VAV3: variants seen among roughly 807,000 people sequenced by gnomAD.
The protein encoded by VAV3 is guanine nucleotide exchange factor VAV3.
A neutral mutation model predicts 131.2 loss-of-function variants in VAV3; 94 were observed. The ratio of observed to expected loss-of-function variants is 0.72; its 90% CI spans 0.61 to 0.85. VAV3 has a LOEUF of 0.85. Among genes scored for constraint, VAV3 ranks in the 40% least tolerant of loss-of-function variants. VAV3 has a pLI of 0.00. For missense variants in VAV3, 939 were observed against 1,002.7 expected (o/e 0.94, Z 0.86); for synonymous variants, 349 against 342.0 (o/e 1.02, Z -0.22).
At chr1:107,861,951 C>A (rs1293703050) in intron 2 of VAV3, among the ~76,000 whole-genome samples, 1 of 151,514 alleles carries the variant, frequency 6.6e-6, no homozygotes, top group Non-Finnish European at 1.5e-5. Flanking sequence ...ATTTAAAAAC[C>A]ATTCATTTTT....
At position 107,574,138 on chromosome 1, in the gene VAV3, A is replaced by C. The variant is rs758868025; in HGVS notation, c.2411T>G (p.Met804Arg). Reference protein sequence around the residue: ...IARYDFCARDMRELSLLKGDV... With the variant: ...IARYDFCARDRRELSLLKGDV... ...TCCTTTCAACAAGGACAACTCTCTC[A>C]TATCTCTTGCACAGAAGTCATACCG... The change falls in exon 26 of 27, where the codon ATG becomes AGG. Residue 804 changes from methionine (M) to arginine (R), a missense_variant. By Grantham distance (91) the Met-to-Arg change is moderately conservative. Transcript: ENST00000370056. 1 of 1,614,034 alleles carries C rather than the reference A, an allele frequency of 6.2e-7. No individual in the cohort carries two copies. Among genetic ancestry groups the C allele is most frequent in the Non-Finnish European group, 8.5e-7 (1 of 1,179,976 alleles).
At chr1:107,889,733 A>T (rs1571099147) in intron 1 of VAV3, among the ~76,000 whole-genome samples, 1 of 152,258 alleles carries the variant, frequency 6.6e-6, no homozygotes, top group East Asian at 1.9e-4. Flanking sequence ...AGAGTCTAGA[A>T]TGATGTAGCA....
intron 1 of VAV3, among the ~76,000 whole-genome samples, chr1:107,893,207 A>G (rs1671394996): frequency 6.6e-6 from 1 of 152,198 alleles, no homozygotes; most frequent in Non-Finnish European, 1.5e-5. Flanking sequence ...ATTTTTCAGC[A>G]AGATTATATA....
At chr1:107,604,009 T>G (rs902964944) in intron 22 of VAV3, among the ~76,000 whole-genome samples, 2 of 145,828 alleles carry the variant, frequency 1.4e-5, no homozygotes, top group East Asian at 1.9e-4. Flanking sequence ...GCCTTAAACA[T>G]ACAGAAACTC....
intron 20 of VAV3, among the ~76,000 whole-genome samples, chr1:107,629,813 T>C (rs1166961044): frequency 6.6e-6 from 1 of 152,098 alleles, no homozygotes; most frequent in African/African-American, 2.4e-5. Context: ...CAGACTAAAT[T>C]AATAGCTATT....
intron 20 of VAV3, among the ~76,000 whole-genome samples, chr1:107,619,459 T>C (rs1653407518): frequency 6.6e-6 from 1 of 152,126 alleles, no homozygotes; most frequent in Non-Finnish European, 1.5e-5. Context: ...AGTAAATAAG[T>C]ATGGTATTTG....
At chr1:107,640,267 T>C (rs900674659) in intron 20 of VAV3, among the ~76,000 whole-genome samples, 1 of 152,104 alleles carries the variant, frequency 6.6e-6, no homozygotes, top group African/African-American at 2.4e-5. Flanking sequence ...TCTCCACACA[T>C]GGAACGATAA....
intron 15 of VAV3, among the ~76,000 whole-genome samples, chr1:107,717,853 T>C (rs1016613363): frequency 3.9e-5 from 6 of 152,234 alleles, no homozygotes; most frequent in South Asian, 2.1e-4. Context: ...AAGTTTCCCA[T>C]TATTATTGTG....
At chr1:107,702,152 G>A (rs1660171218) in intron 17 of VAV3, among the ~76,000 whole-genome samples, 1 of 152,186 alleles carries the variant, frequency 6.6e-6, no homozygotes, top group Non-Finnish European at 1.5e-5. Context: ...TGGCTGGGGA[G>A]GCCTCAGGAA....
chr1:107,843,524 CGT>C (rs113866726), intron 2 of VAV3, among the ~76,000 whole-genome samples: 20 of 146,086 alleles, frequency 1.4e-4, no homozygotes, highest in African/African-American at 1.3e-4. Flanking sequence ...TGTATGTGTG[CGT>C]GTGTGTGTGT....
At chr1:107,841,294 G>C (rs977088629) in intron 2 of VAV3, among the ~76,000 whole-genome samples, 26 of 151,924 alleles carry the variant, frequency 1.7e-4, no homozygotes, top group African/African-American at 6.0e-4. Flanking sequence ...GGGAAAGGGG[G>C]GGGTAGAAAA....
At chr1:107,813,849 C>T (rs1480948945) in intron 2 of VAV3, among the ~76,000 whole-genome samples, 1 of 152,038 alleles carries the variant, frequency 6.6e-6, no homozygotes, top group Admixed American at 6.6e-5. Flanking sequence ...ATAGGGAGAA[C>T]ATGTGATATT....
chr1:107,902,972 G>A (rs1369078228), intron 1 of VAV3, among the ~76,000 whole-genome samples: 8 of 152,090 alleles, frequency 5.3e-5, no homozygotes, highest in African/African-American at 1.2e-4. Context: ...CCAGGTTTTC[G>A]TTAAACCATA....
intron 22 of VAV3, among the ~76,000 whole-genome samples, chr1:107,605,523 T>C (rs369068435): frequency 1.3e-5 from 2 of 152,218 alleles, no homozygotes; most frequent in African/African-American, 4.8e-5. Context: ...GACAAATAAA[T>C]ATATCTTCTT....
At chr1:107,868,922 G>A (rs925232021) in intron 2 of VAV3, among the ~76,000 whole-genome samples, 2 of 152,192 alleles carry the variant, frequency 1.3e-5, no homozygotes, top group Middle Eastern at 6.9e-3. Flanking sequence ...TTTAGCTTTG[G>A]GCACAGCACT....
At chr1:107,674,543 C>T (rs532866473) in intron 19 of VAV3, among the ~76,000 whole-genome samples, 7 of 152,272 alleles carry the variant, frequency 4.6e-5, no homozygotes, top group South Asian at 4.2e-4. Context: ...AGGAAATAAG[C>T]TTTTCTCTGT....
intron 19 of VAV3, among the ~76,000 whole-genome samples, chr1:107,643,785 C>T (rs943109393): frequency 3.3e-5 from 5 of 152,128 alleles, no homozygotes; most frequent in African/African-American, 9.7e-5. Context: ...TTATTAAAGT[C>T]CTCAAAATTC....
At chr1:107,714,288 A>G (rs1660960785) in intron 15 of VAV3, among the ~76,000 whole-genome samples, 1 of 152,158 alleles carries the variant, frequency 6.6e-6, no homozygotes, top group South Asian at 2.1e-4. Flanking sequence ...TAGAATTACC[A>G]ATTAAACATT....
intron 2 of VAV3, among the ~76,000 whole-genome samples, chr1:107,834,030 A>G (rs1235109714): frequency 6.6e-6 from 1 of 152,136 alleles, no homozygotes; most frequent in Non-Finnish European, 1.5e-5. Flanking sequence ...AAACACTTTC[A>G]CTCACTTTAA....
Sources: gnomAD v4.1 joint callset for allele counts (sites outside exome capture counted in the v4.1 genomes callset) on GRCh38, gnomAD v4.1.1 for gene constraint, MANE v1.5 for transcripts, NCBI Gene and HGNC (gene_info 2026-07-23, HGNC 2026-07-21) for gene names.